DYRK4: variants seen among roughly 807,000 people sequenced by gnomAD.
DYRK4 encodes dual specificity tyrosine phosphorylation regulated kinase 4, also known as dual specificity tyrosine-phosphorylation-regulated kinase 4.
A neutral mutation model predicts 68.3 loss-of-function variants in DYRK4; 64 were observed. The observed-to-expected ratio is 0.94, with a 90% confidence interval of 0.77 to 1.15. The LOEUF is 1.15. Among genes scored for constraint, DYRK4 ranks in the 50% most tolerant of loss-of-function variants. The pLI is 0.00. For synonymous variants in DYRK4, 274 were observed against 289.9 expected (o/e 0.95, Z 0.56); for missense variants, 740 against 764.7 (o/e 0.97, Z 0.38).
chr12:4,604,880 G>A (rs1330191441), intron 10 of DYRK4, 34 bp from the exon 11 acceptor site: 8 of 1,541,116 alleles, frequency 5.2e-6, no homozygotes, highest in Non-Finnish European at 7.0e-6. Context: ...TAAGAAGTTT[G>A]TCCCACGAGG....
chr12:4,575,009 T>C (rs1396970171), intron 2 of DYRK4, among the ~76,000 whole-genome samples: 1 of 152,148 alleles, frequency 6.6e-6, no homozygotes, highest in East Asian at 1.9e-4. Context: ...CGTGAGCCAA[T>C]GTGCCCGGCC....
intron 7 of DYRK4, 38 bp from the exon 8 acceptor site, chr12:4,596,551 C>G (rs1323203908): frequency 6.2e-7 from 1 of 1,603,330 alleles, no homozygotes; most frequent in Non-Finnish European, 8.5e-7. Context: ...GTTTCTATCC[C>G]CATTTCCCAC....
chr12:4,563,289 C>G (rs544525181), intron 1 of DYRK4: 1 of 386,104 alleles, frequency 2.6e-6, no homozygotes. Context: ...ATGGAGAAAG[C>G]AGAGGTAAAT....
chr12:4,574,424 T>C lies in DYRK4; in HGVS notation c.132+6376T>C, dbSNP rs977899110. On this transcript the variant is annotated intron_variant, in intron 2 of 14. Transcript: ENST00000543431. Reference sequence around the variant, plus strand: ...ATTTTGCATGTTTTTTAAAAATATATATGGAATCATACTGTTGAGTGTTCT... The same window carrying C: ...ATTTTGCATGTTTTTTAAAAATATACATGGAATCATACTGTTGAGTGTTCT... 5.9e-5 allele frequency among the ~76,000 whole-genome samples: 9 copies of C among 152,112 alleles called. No homozygotes were observed. In the South Asian group the frequency reaches 1.9e-3, roughly 32 times the overall value.
At chr12:4,608,095 A>G (rs1282935393) in intron 12 of DYRK4, among the ~76,000 whole-genome samples, 1 of 152,186 alleles carries the variant, frequency 6.6e-6, no homozygotes, top group Non-Finnish European at 1.5e-5. Context: ...AGGGCTTTCA[A>G]CGTACACGCA....
chr12:4,593,194 G>T (rs1311877156), intron 6 of DYRK4, 29 bp downstream of exon 6: 1 of 1,610,020 alleles, frequency 6.2e-7, no homozygotes, highest in South Asian at 1.1e-5. Flanking sequence ...ATGGGAACCT[G>T]CAGGGGCCCA....
intron 2 of DYRK4, among the ~76,000 whole-genome samples, chr12:4,571,777 A>G (rs11063239): frequency 0.065 from 9,933 of 152,236 alleles, 505 homozygotes; most frequent in African/African-American, 0.14. Flanking sequence ...TACCTCTTTA[A>G]TGTGGCTACC....
intron 2 of DYRK4, among the ~76,000 whole-genome samples, chr12:4,575,516 G>A (rs572403725): frequency 1.7e-4 from 26 of 151,584 alleles, no homozygotes; most frequent in Non-Finnish European, 3.1e-4. Context: ...TCACTATGTT[G>A]GCCAGGATGG....
intron 12 of DYRK4, 72 bp from the exon 13 acceptor site, chr12:4,610,083 C>G (rs1945200878): frequency 7.0e-7 from 1 of 1,427,476 alleles, no homozygotes; most frequent in Non-Finnish European, 9.4e-7. Context: ...AGAGGCCACT[C>G]TAAGCAGCAG....
chr12:4,604,960 C>G lies in DYRK4; in HGVS notation c.1173C>G (p.Ile391Met). The G allele has an allele frequency of 1.2e-6, 2 of 1,613,446 alleles. No individual in the cohort carries two copies. The highest frequency in any genetic ancestry group is 4.5e-5 in the East Asian group (2 of 44,812). The change falls in exon 11 of 15, where the codon ATC becomes ATG. Residue 391 changes from isoleucine to methionine, a missense_variant. Ile to Met is a conservative substitution (Grantham distance 10). Around this residue, in one of 3 missense-constraint regions of DYRK4, gnomAD observed 614 missense variants for 603.7 expected, o/e 1.02. Transcript: ENST00000543431. ...GGTTCTACCGATCCCCAGAAGTGAT[C>G]CTGGGCCACCCCTACGACGTGGCCA... is the stretch of plus-strand genomic sequence containing the variant. ...QSRFYRSPEV[I>M]LGHPYDVAID...
rs568626441 is a variant in DYRK4 at position 4,572,990 on chromosome 12, C to T, written c.132+4942C>T. ...GGAACAAAACAAAATCCTGATCCGA[C>T]CATTTGGTGTTGGGCAAAGGAATGG... On this transcript the variant is annotated intron_variant, in intron 2 of 14. Transcript: ENST00000543431. 2.3e-3 allele frequency: 624 copies of T among 267,248 alleles called. 3 individuals are homozygous for T. Among genetic ancestry groups the T allele is most frequent in the Non-Finnish European group, 3.5e-3 (473 of 136,638 alleles). 16.6% of individuals were successfully genotyped at this position (267,248 alleles called of 1,614,324 possible). A position where few individuals can be genotyped will look rare whatever the true frequency, so the allele number is the denominator to read the frequency against.
At chr12:4,612,863 T>C (rs1945240605) in intron 14 of DYRK4, 145 bp downstream of exon 14, 1 of 854,258 alleles carries the variant, frequency 1.2e-6, no homozygotes, top group Non-Finnish European at 1.8e-6. Context: ...CTGTTTAATA[T>C]GCTGTTTAAG....
rs1944948207 is a variant in DYRK4 at position 4,591,014 on chromosome 12, C to T, written c.325-146C>T. 10 of 925,656 alleles carry T rather than the reference C, an allele frequency of 1.1e-5. No individual in the cohort carries two copies. In the South Asian group the frequency reaches 1.5e-4, roughly 14 times the overall value. The allele number at this position is 925,656 out of a possible 1,614,324, so 57.3% of individuals were successfully genotyped here. ...TCCTTTGGGAGAGAGGTAGGGAGAA[C>T]CTTCTGTCTCTTAATCGCTGTTTTC... On this transcript the variant is annotated intron_variant, in intron 4 of 14. Transcript: ENST00000543431. This position sits in a 1 kb window ranked among gnomAD's most constrained non-coding sequence, Gnocchi z 4.1.
chr12:4,571,524 G>A (rs57806527), intron 2 of DYRK4, among the ~76,000 whole-genome samples: 2,437 of 152,140 alleles, frequency 0.016, 66 homozygotes, highest in African/African-American at 0.054. Context: ...CCAAAGACTC[G>A]GTGTGAAAAC....
chr12:4,606,066 A>G (rs1347496175), intron 11 of DYRK4, among the ~76,000 whole-genome samples: 1 of 152,238 alleles, frequency 6.6e-6, no homozygotes, highest in Non-Finnish European at 1.5e-5. Flanking sequence ...CATTATGGGA[A>G]ATGACAGTTT....
At position 4,593,054 on chromosome 12, in the gene DYRK4, C is replaced by A. The variant is rs1324341922; in HGVS notation, c.516C>A (p.Ile172=). Residue 172 remains isoleucine (I), a synonymous_variant, in exon 6 of 15, where the codon ATC becomes ATA. Coordinates refer to ENST00000543431, the MANE Select transcript of DYRK4 (RefSeq NM_001394779.1). ...NQLSPYEQSE[I]LGYAELWFLG... is the part of the protein sequence containing the mutation. ...TGTCTCCATATGAACAAAGTGAAAT[C>A]CTGGGCTACGCGGAGCTGTGGTTCC... The A allele has an allele frequency of 6.2e-7, 1 of 1,614,180 alleles. No homozygotes were observed. The highest frequency in any genetic ancestry group is 8.5e-7 in the Non-Finnish European group (1 of 1,180,030).
At chr12:4,577,953 G>C (rs1371376603) in intron 2 of DYRK4, among the ~76,000 whole-genome samples, 1 of 152,120 alleles carries the variant, frequency 6.6e-6, no homozygotes, top group Non-Finnish European at 1.5e-5. Flanking sequence ...ATATAAGAGA[G>C]CAATTGACTT....
intron 8 of DYRK4, among the ~76,000 whole-genome samples, chr12:4,598,176 G>A (rs932708581): frequency 2.0e-5 from 3 of 152,132 alleles, no homozygotes; most frequent in Non-Finnish European, 4.4e-5. Flanking sequence ...GAAAGTTTGA[G>A]ACCAGCCTGG....
In DYRK4 at chr12:4,591,294, G is replaced by T; in HGVS notation, c.459G>T (p.Ala153=). ...AGAAGCAAAAGGTGACTCTGACAGC[G>T]GCAGGTATGCCTTTGGGGCAGTAGC... The part of the protein sequence containing the change: ...SPKKQKVTLT[A]AEALKLFKNQ... Residue 153 remains alanine, a synonymous_variant, in exon 5 of 15, where the codon GCG becomes GCT. Transcript: ENST00000543431. This position sits in a 1 kb window ranked among gnomAD's most constrained non-coding sequence, Gnocchi z 4.1. The T allele has an allele frequency of 6.2e-7, 1 of 1,613,982 alleles. No individual in the cohort carries two copies. The highest frequency in any genetic ancestry group is 1.7e-4 in the Middle Eastern group (1 of 6,054).
Sources: allele counts gnomAD v4.1 joint callset (sites outside exome capture counted in the v4.1 genomes callset), GRCh38; gene constraint gnomAD v4.1.1; regional missense constraint gnomAD v4.1.1; non-coding constraint Gnocchi (gnomAD v3.1); transcripts MANE v1.5; gene names NCBI Gene and HGNC (gene_info 2026-07-23, HGNC 2026-07-21).